CAPN9: variants seen among roughly 807,000 people sequenced by gnomAD.
CAPN9 encodes the protein calpain-9.
A neutral mutation model predicts 92.8 loss-of-function variants in CAPN9; 81 were observed. The observed-to-expected ratio is 0.87, with a 90% CI of 0.73 to 1.05. The LOEUF is 1.05. Among genes scored for constraint, CAPN9 ranks in the 50% least tolerant of loss-of-function variants. The pLI is 0.00. For synonymous variants in CAPN9, 304 were observed against 328.0 expected, an observed-to-expected ratio of 0.93 and a Z score of 0.79; for missense variants, 848 against 866.2, an observed-to-expected ratio of 0.98 and a Z score of 0.26.
chr1:230,770,653 C>T lies in CAPN9; in HGVS notation c.790-1361C>T, dbSNP rs1378889339. On this transcript the variant is annotated intron_variant, in intron 6 of 19. Coordinates refer to ENST00000271971, the MANE Select transcript of CAPN9 (RefSeq NM_006615.3). ...TAGGAGGAGAGATCCTTGAGGGGCA[C>T]AAGGGGAAGAGAAAGAAAGAATTGA... 3.3e-5 allele frequency among the ~76,000 whole-genome samples: 5 copies of T among 151,992 alleles called. No homozygotes were observed. In the East Asian group the frequency reaches 9.7e-4, roughly 29 times the overall value.
At chr1:230,751,070 C>A (rs1187760345) in intron 1 of CAPN9, among the ~76,000 whole-genome samples, 2 of 152,196 alleles carry the variant, frequency 1.3e-5, no homozygotes, top group Non-Finnish European at 2.9e-5. Context: ...GCAATTCCCC[C>A]CCACCAATTC....
intron 2 of CAPN9, among the ~76,000 whole-genome samples, chr1:230,758,552 T>C (rs1665405486): frequency 6.6e-6 from 1 of 152,136 alleles, no homozygotes; most frequent in Non-Finnish European, 1.5e-5. Context: ...ACCAGGGCGA[T>C]TCGGAATTAG....
intron 18 of CAPN9, among the ~76,000 whole-genome samples, chr1:230,797,850 T>A (rs1383229648): frequency 6.6e-6 from 1 of 152,210 alleles, no homozygotes; most frequent in East Asian, 1.9e-4. Context: ...CCTATGGATT[T>A]CAAGGGCCCT....
chr1:230,765,212 G>GACACACACACACACACACACACAC (rs56286310), intron 4 of CAPN9, among the ~76,000 whole-genome samples: 2 of 132,038 alleles, frequency 1.5e-5, no homozygotes, highest in African/African-American at 5.9e-5. Flanking sequence ...ACACATGCAA[G>GACACACACACACACACACACACAC]ACACACACAC....
Position 230,780,327 on chromosome 1 carries a change from C to T in CAPN9, c.1263C>T (p.Ala421=), listed in dbSNP as rs1667129849. ...CCAATGTGCTGACAATCGGCTATGC[C>T]ATTTATGAGGTAGGTGGGAACCACA... The part of the protein sequence containing the change: ...FGANVLTIGY[A]IYECPDKDEH... The change falls in exon 10 of 20, where the codon GCC becomes GCT. Residue 421 remains alanine (A), a synonymous_variant. Transcript: ENST00000271971. The T allele has an allele frequency of 1.1e-5, 18 of 1,613,758 alleles. No homozygotes were observed. Among genetic ancestry groups the T allele is most frequent in the Non-Finnish European group, 1.5e-5 (18 of 1,179,940 alleles).
intron 12 of CAPN9, 109 bp from the exon 13 acceptor site, chr1:230,787,413 G>A (rs2102916641): frequency 1.2e-6 from 1 of 828,466 alleles, no homozygotes. Context: ...ACTGCCTCAG[G>A]AGGGTGACAT....
chr1:230,795,116 G>A (rs749681989), intron 17 of CAPN9, 47 bp from the exon 18 acceptor site: 104 of 1,237,574 alleles, frequency 8.4e-5, no homozygotes, highest in Non-Finnish European at 1.0e-4. Flanking sequence ...GACTCACCTC[G>A]GGGCTCGGAT....
chr1:230,766,118 C>T (rs1448899881), intron 4 of CAPN9, among the ~76,000 whole-genome samples: 1 of 151,826 alleles, frequency 6.6e-6, no homozygotes, highest in Non-Finnish European at 1.5e-5. Context: ...TTTTTGGAGA[C>T]AGGGTCTTGC....
intron 12 of CAPN9, 116 bp downstream of exon 12, chr1:230,786,133 A>G: frequency 6.3e-7 from 1 of 1,591,860 alleles, no homozygotes; most frequent in Non-Finnish European, 8.6e-7. Flanking sequence ...ACATGCAATC[A>G]AGTAAGCATC....
At position 230,783,389 on chromosome 1, in the gene CAPN9, A is replaced by G. The variant is rs779255118; in HGVS notation, c.1482-2592A>G. Among the ~76,000 whole-genome samples, 7 of 152,192 alleles carry G rather than the reference A, an allele frequency of 4.6e-5. No individual in the cohort carries two copies. The South Asian group carries it at 8.3e-4, about 18-fold the overall frequency. On this transcript the variant is annotated intron_variant, in intron 11 of 19. Transcript: ENST00000271971. ...GTTGAATTGTAATCCCCAATGTTGG[A>G]GGTGGAGCCTGGTGGGAGATGTTTG...
Position 230,769,202 on chromosome 1 carries a change from A to C in CAPN9, c.728A>C (p.Glu243Ala). 6.2e-7 allele frequency: 1 copy of C among 1,614,130 alleles called. No individual in the cohort carries two copies. The highest frequency in any genetic ancestry group is 8.5e-7 in the Non-Finnish European group (1 of 1,179,956). Residue 243 changes from glutamate to alanine, a missense_variant, in exon 6 of 20, where the codon GAG (glutamate) becomes GCG (alanine). By Grantham distance (107) the Glu-to-Ala change is moderately radical. Coordinates refer to ENST00000271971, the MANE Select transcript of CAPN9 (RefSeq NM_006615.3). ...FIDTRSAAES[E>A]ARTPFGLIKG... Reference sequence around the variant, plus strand: ...TAGACCAGAAGTGCTGCAGAATCTGAGGCCCGGACGCCGTTTGGTCTTATT... The same window carrying C: ...TAGACCAGAAGTGCTGCAGAATCTGCGGCCCGGACGCCGTTTGGTCTTATT...
intron 4 of CAPN9, among the ~76,000 whole-genome samples, chr1:230,763,046 C>G (rs28359634): frequency 0.037 from 5,707 of 152,202 alleles, 331 homozygotes; most frequent in African/African-American, 0.13. Context: ...TTTGGAAGAG[C>G]TGGGAAGGCA....
At chr1:230,772,980 C>T (rs1391007073) in intron 7 of CAPN9, among the ~76,000 whole-genome samples, 1 of 151,854 alleles carries the variant, frequency 6.6e-6, no homozygotes, top group Non-Finnish European at 1.5e-5. Flanking sequence ...GTTGCTCGTC[C>T]GCTGCTTGTT....
chr1:230,792,201 A>G (rs1385197456), intron 15 of CAPN9, among the ~76,000 whole-genome samples: 1 of 149,708 alleles, frequency 6.7e-6, no homozygotes, highest in Non-Finnish European at 1.5e-5. Flanking sequence ...AAGGGAACAG[A>G]GTTCTGTTTT....
intron 6 of CAPN9, among the ~76,000 whole-genome samples, chr1:230,769,666 T>TATCTATC (rs767436119): frequency 0.053 from 6,232 of 118,380 alleles, 172 homozygotes; most frequent in Non-Finnish European, 0.072. Context: ...TCTATCTATC[T>TATCTATC]ATCTATCTAT....
intron 4 of CAPN9, among the ~76,000 whole-genome samples, chr1:230,764,352 G>A (rs1223837676): frequency 6.6e-6 from 1 of 152,190 alleles, no homozygotes; most frequent in Non-Finnish European, 1.5e-5. Context: ...CCCTGCTCTT[G>A]GACATTGGAG....
intron 8 of CAPN9, among the ~76,000 whole-genome samples, chr1:230,777,623 C>T (rs1380078041): frequency 6.6e-6 from 1 of 152,138 alleles, no homozygotes; most frequent in African/African-American, 2.4e-5. Context: ...AGCAAGCCCG[C>T]CAGTTCCTCT....
chr1:230,799,141 A>C (rs1471302629), intron 19 of CAPN9, among the ~76,000 whole-genome samples: 1 of 152,088 alleles, frequency 6.6e-6, no homozygotes, highest in African/African-American at 2.4e-5. Context: ...ACCAATTTCC[A>C]TACTCACAGT....
chr1:230,774,697 G>T, intron 8 of CAPN9, 66 bp downstream of exon 8: 1 of 1,006,730 alleles, frequency 9.9e-7, no homozygotes. Flanking sequence ...GGCGTAAGGA[G>T]CACTGTGCTT....
Sources: gnomAD v4.1 joint callset for allele counts (sites outside exome capture counted in the v4.1 genomes callset) on GRCh38, gnomAD v4.1.1 for gene constraint, MANE v1.5 for transcripts, NCBI Gene and HGNC (gene_info 2026-07-23, HGNC 2026-07-21) for gene names.